The following ANO3 variants were observed in gnomAD, a reference collection of about 807,000 sequenced individuals.
ANO3 encodes the protein anoctamin 3.
Under a neutral mutation model 144.8 loss-of-function variants are expected in ANO3, and 99 were observed. The ratio of observed to expected loss-of-function variants is 0.68; its 90% confidence interval spans 0.58 to 0.81. ANO3 has a LOEUF of 0.81. Among genes scored for constraint, ANO3 ranks in the 30% least tolerant of loss-of-function variants. The pLI is 0.00. For missense variants in ANO3, 905 were observed against 1,202.2 expected, an observed-to-expected ratio of 0.75 and a Z score of 3.66; for synonymous variants, 414 against 392.6, an observed-to-expected ratio of 1.05 and a Z score of -0.64.
intron 10 of ANO3, 117 bp from the exon 11 acceptor site, chr11:26,541,830 C>A: frequency 1.0e-6 from 1 of 954,170 alleles, no homozygotes; most frequent in African/African-American, 1.7e-5. Context: ...TTAAGTTTAT[C>A]ATTTTTGAAG....
intron 7 of ANO3, among the ~76,000 whole-genome samples, chr11:26,527,576 A>G (rs1326618550): frequency 1.3e-5 from 2 of 152,076 alleles, no homozygotes; most frequent in Non-Finnish European, 2.9e-5. Context: ...TTGAAATCAA[A>G]CGTGGCCATT....
chr11:26,560,834 A>G (rs1850258724), intron 14 of ANO3: 1 of 392,838 alleles, frequency 2.5e-6, no homozygotes, highest in Non-Finnish European at 4.5e-6. Flanking sequence ...TACTACTAAA[A>G]TACAAATTAA....
intron 4 of ANO3, among the ~76,000 whole-genome samples, chr11:26,496,974 G>GTATATATATATATATATATATA (rs71047855): frequency 3.7e-5 from 5 of 136,512 alleles, no homozygotes; most frequent in East Asian, 2.2e-4. Context: ...AATGTTGTGT[G>GTATATATATATATATATATATA]TATATATATA....
At chr11:26,499,700 A>C (rs1861112319) in intron 4 of ANO3, among the ~76,000 whole-genome samples, 1 of 151,808 alleles carries the variant, frequency 6.6e-6, no homozygotes, top group Non-Finnish European at 1.5e-5. Context: ...TGTTTAAGAA[A>C]TATTTATGAA....
At chr11:26,201,391 G>A (rs1851689653) in intron 1 of ANO3, among the ~76,000 whole-genome samples, 1 of 151,966 alleles carries the variant, frequency 6.6e-6, no homozygotes, top group Non-Finnish European at 1.5e-5. Flanking sequence ...CATACCTATT[G>A]ACTTTGTATT....
At chr11:26,555,477 T>C (rs532188121) in intron 13 of ANO3, among the ~76,000 whole-genome samples, 95 of 152,288 alleles carry the variant, frequency 6.2e-4, no homozygotes, top group African/African-American at 2.3e-3. Context: ...TCTAGGTTGC[T>C]TTTGTCATCA....
At chr11:26,630,668 T>C (rs1309880518) in intron 18 of ANO3, among the ~76,000 whole-genome samples, 2 of 152,216 alleles carry the variant, frequency 1.3e-5, no homozygotes, top group African/African-American at 4.8e-5. Context: ...TTTGAAGGCA[T>C]TTAGCCTTAT....
intron 1 of ANO3, among the ~76,000 whole-genome samples, chr11:26,416,658 C>G (rs1857597184): frequency 6.6e-6 from 1 of 151,988 alleles, no homozygotes; most frequent in Non-Finnish European, 1.5e-5. Flanking sequence ...ATCTCCTGAC[C>G]TGGTGATCCA....
intron 1 of ANO3, among the ~76,000 whole-genome samples, chr11:26,230,547 A>C (rs1852368116): frequency 6.6e-6 from 1 of 152,038 alleles, no homozygotes; most frequent in Non-Finnish European, 1.5e-5. Context: ...CTGTAATCCC[A>C]GCATTTTGGG....
intron 6 of ANO3, among the ~76,000 whole-genome samples, chr11:26,521,524 TCTTGA>T: frequency 1.3e-5 from 2 of 152,302 alleles, no homozygotes; most frequent in East Asian, 3.9e-4. Context: ...GCCACTACTT[TCTTGA>T]CTTTTCTTTA....
chr11:26,447,957 T>G (rs890907128), intron 3 of ANO3, among the ~76,000 whole-genome samples: 1 of 152,230 alleles, frequency 6.6e-6, no homozygotes, highest in Non-Finnish European at 1.5e-5. Context: ...TGCCTGATGC[T>G]TGATTCTTCC....
intron 1 of ANO3, among the ~76,000 whole-genome samples, chr11:26,440,791 T>C (rs1369717051): frequency 6.6e-6 from 1 of 152,118 alleles, no homozygotes; most frequent in East Asian, 1.9e-4. Context: ...TTCTGATGTT[T>C]TATGTGAGTT....
chr11:26,492,454 G>A (rs1447073492), intron 4 of ANO3, among the ~76,000 whole-genome samples: 1 of 152,082 alleles, frequency 6.6e-6, no homozygotes, highest in Non-Finnish European at 1.5e-5. Context: ...ACTCTCTGGG[G>A]CAGCAGTTGT....
intron 13 of ANO3, among the ~76,000 whole-genome samples, chr11:26,554,210 T>G (rs1850020063): frequency 6.6e-6 from 1 of 152,140 alleles, no homozygotes; most frequent in South Asian, 2.1e-4. Flanking sequence ...TTTTCTGGCT[T>G]CTTTCACACA....
At chr11:26,356,057 A>C (rs1012309196) in intron 1 of ANO3, among the ~76,000 whole-genome samples, 1 of 152,088 alleles carries the variant, frequency 6.6e-6, no homozygotes, top group Non-Finnish European at 1.5e-5. Context: ...TATAAAGTAA[A>C]TGTTAGAATT....
intron 1 of ANO3, among the ~76,000 whole-genome samples, chr11:26,312,740 G>A (rs552321300): frequency 2.6e-5 from 4 of 152,274 alleles, no homozygotes; most frequent in Non-Finnish European, 4.4e-5. Flanking sequence ...CTGGATATTA[G>A]CCCTTTGTCA....
rs1285347960 is a variant in ANO3 at position 26,442,004 on chromosome 11, G to A, written c.133G>A (p.Ala45Thr). Residue 45 changes from alanine (A) to threonine (T), a missense_variant, in exon 2 of 27, where the codon GCT (alanine) becomes ACT (threonine). By Grantham distance (58) the Ala-to-Thr change is moderately conservative (BLOSUM62 0). Coordinates refer to ENST00000256737, the MANE Select transcript of ANO3 (RefSeq NM_031418.4). ...CCTGCCTTGCCTCGCCCAGAGCTACGCTTACTCAAAGAGCTTGAGCCAGTC... is the reference window on the plus strand; with the variant it reads ...CCTGCCTTGCCTCGCCCAGAGCTACACTTACTCAAAGAGCTTGAGCCAGTC... ...RSLPCLAQSY[A>T]YSKSLSQSTS... 5.6e-6 allele frequency: 9 copies of A among 1,614,070 alleles called. No homozygotes were observed. The East Asian group carries it at 6.7e-5, about 12-fold the overall frequency.
rs548544793 is a variant in ANO3, at chr11:26,642,127, T to C, written c.2275+98T>C. 3.6e-5 allele frequency: 50 copies of C among 1,373,388 alleles called. No homozygotes were observed. The Admixed American group carries it at 6.6e-4, about 18-fold the overall frequency. The allele number at this position is 1,373,388 out of a possible 1,614,324, so 85.1% of individuals were successfully genotyped here. ...CAACAGAGAAAATTATCTCTTTCCT[T>C]TCCAACCCCAAGCATTCTAAAACAC... On this transcript the variant is annotated intron_variant, in intron 22 of 26. Coordinates refer to ENST00000256737, the MANE Select transcript of ANO3 (RefSeq NM_031418.4).
At chr11:26,545,942 A>G (rs1015763839) in intron 11 of ANO3, among the ~76,000 whole-genome samples, 8 of 151,948 alleles carry the variant, frequency 5.3e-5, no homozygotes, top group Admixed American at 2.0e-4. Context: ...ACTTTTACTT[A>G]GGTGACTATA....
Sources: allele counts gnomAD v4.1 joint callset (sites outside exome capture counted in the v4.1 genomes callset), GRCh38; gene constraint gnomAD v4.1.1; transcripts MANE v1.5; gene names NCBI Gene and HGNC (gene_info 2026-07-23, HGNC 2026-07-21).